The following BMPER variants were observed in gnomAD, a reference collection of about 807,000 sequenced individuals.
BMPER encodes BMP binding endothelial regulator, also known as BMP-binding endothelial regulator protein.
A neutral mutation model predicts 87.3 loss-of-function variants in BMPER; 45 were observed. That is an observed-to-expected ratio of 0.52 (90% CI 0.41 to 0.66). The LOEUF is 0.66. Ranked by LOEUF, BMPER falls within the 30% of genes least tolerant of loss-of-function variation. BMPER has a pLI of 0.00. For missense variants in BMPER, 784 were observed against 867.5 expected (o/e 0.90, Z 1.21); for synonymous variants, 326 against 316.2 (o/e 1.03, Z -0.33).
chr7:34,062,107 A>C (rs1434792835), intron 11 of BMPER, 60 bp downstream of exon 11: 5 of 1,475,574 alleles, frequency 3.4e-6, no homozygotes, highest in Non-Finnish European at 4.7e-6. Context: ...ATAGTGCAAC[A>C]AGAAAAATAG....
intron 2 of BMPER, among the ~76,000 whole-genome samples, chr7:33,930,347 T>C (rs1156276939): frequency 2.0e-5 from 3 of 152,214 alleles, no homozygotes; most frequent in Non-Finnish European, 4.4e-5. Context: ...TCAATTTTAC[T>C]ATCAGTAATG....
At chr7:34,111,349 C>G (rs1323403785) in intron 13 of BMPER, among the ~76,000 whole-genome samples, 1 of 152,124 alleles carries the variant, frequency 6.6e-6, no homozygotes, top group Non-Finnish European at 1.5e-5. Flanking sequence ...TAATTGGTTC[C>G]CCAGTTACCT....
intron 2 of BMPER, among the ~76,000 whole-genome samples, chr7:33,925,099 G>T (rs1784329697): frequency 6.6e-6 from 1 of 152,138 alleles, no homozygotes; most frequent in African/African-American, 2.4e-5. Flanking sequence ...AGTCGTCCCT[G>T]CTAGAACGTC....
intron 11 of BMPER, 102 bp downstream of exon 11, chr7:34,062,149 T>C: frequency 9.4e-7 from 1 of 1,059,464 alleles, no homozygotes; most frequent in Non-Finnish European, 1.4e-6. Flanking sequence ...TTTATTTTTG[T>C]AGGTATATAT....
chr7:34,109,875 T>A (rs370083003), intron 13 of BMPER, among the ~76,000 whole-genome samples: 4 of 152,358 alleles, frequency 2.6e-5, no homozygotes, highest in African/African-American at 9.6e-5. Flanking sequence ...TCTATTCCAC[T>A]TGCTCTAGCT....
intron 8 of BMPER, among the ~76,000 whole-genome samples, chr7:34,053,171 C>T (rs775997651): frequency 1.1e-4 from 16 of 152,266 alleles, no homozygotes; most frequent in African/African-American, 2.6e-4. Context: ...TTAGGTAATA[C>T]GTCTCTGTGC....
At chr7:34,006,029 A>T (rs1373054776) in intron 6 of BMPER, among the ~76,000 whole-genome samples, 1 of 152,004 alleles carries the variant, frequency 6.6e-6, no homozygotes, top group Non-Finnish European at 1.5e-5. Context: ...CATTGTAGCC[A>T]TTATTTGTAA....
At chr7:33,977,211 G>C (rs1004553628) in intron 6 of BMPER, among the ~76,000 whole-genome samples, 5 of 151,976 alleles carry the variant, frequency 3.3e-5, no homozygotes, top group African/African-American at 1.2e-4. Context: ...CTTTTTTGTA[G>C]CTTGTTGGTA....
chr7:33,982,390 G>T (rs933375019), intron 6 of BMPER, among the ~76,000 whole-genome samples: 2 of 152,038 alleles, frequency 1.3e-5, no homozygotes, highest in East Asian at 1.9e-4. Flanking sequence ...ACTAGTGTGG[G>T]CCAAAAAGCC....
chr7:34,101,184 T>G (rs573799554), intron 13 of BMPER, among the ~76,000 whole-genome samples: 1 of 152,352 alleles, frequency 6.6e-6, no homozygotes, highest in African/African-American at 2.4e-5. Context: ...ACATTGACAC[T>G]TTTAATTATC....
intron 3 of BMPER, among the ~76,000 whole-genome samples, chr7:33,941,047 T>A (rs10246588): frequency 0.026 from 3,491 of 134,628 alleles, 166 homozygotes; most frequent in African/African-American, 0.093. Context: ...TTATATATAA[T>A]TTATATGTAA....
At chr7:34,130,365 C>T (rs1790552157) in intron 13 of BMPER, among the ~76,000 whole-genome samples, 2 of 152,272 alleles carry the variant, frequency 1.3e-5, no homozygotes, top group Non-Finnish European at 2.9e-5. Context: ...AAAAGTATTC[C>T]TGCTAAGACC....
chr7:33,997,305 T>C (rs905224779), intron 6 of BMPER, among the ~76,000 whole-genome samples: 2 of 152,182 alleles, frequency 1.3e-5, no homozygotes, highest in Admixed American at 1.3e-4. Context: ...TCTGATATGG[T>C]TTAGCTCTGT....
At chr7:34,124,603 T>G (rs1272556497) in intron 13 of BMPER, among the ~76,000 whole-genome samples, 1 of 152,200 alleles carries the variant, frequency 6.6e-6, no homozygotes, top group Non-Finnish European at 1.5e-5. Flanking sequence ...TCATGTCATT[T>G]GCAAGCAAGT....
chr7:33,917,468 A>G (rs781128439), intron 2 of BMPER, among the ~76,000 whole-genome samples: 13 of 152,078 alleles, frequency 8.5e-5, no homozygotes, highest in Non-Finnish European at 1.5e-4. Flanking sequence ...GAGAAGTTCA[A>G]AGATTTGTAA....
chr7:34,137,564 T>G (rs990313972), intron 13 of BMPER, among the ~76,000 whole-genome samples: 1 of 152,224 alleles, frequency 6.6e-6, no homozygotes, highest in Non-Finnish European at 1.5e-5. Context: ...TTTCAAAGGA[T>G]CTGTGCAATA....
intron 5 of BMPER, among the ~76,000 whole-genome samples, chr7:33,973,743 G>T (rs776423649): frequency 6.6e-6 from 1 of 152,180 alleles, no homozygotes; most frequent in Non-Finnish European, 1.5e-5. Context: ...TCCCAGCACC[G>T]TCTTCCATGG....
At chr7:34,051,820 C>T (rs764369869) in intron 7 of BMPER, 41 bp from the exon 8 acceptor site, 27 of 1,521,448 alleles carry the variant, frequency 1.8e-5, no homozygotes, top group South Asian at 2.2e-5. Flanking sequence ...GGGACATCCC[C>T]GATTCTGTCT....
intron 6 of BMPER, among the ~76,000 whole-genome samples, chr7:34,012,619 G>GT (rs1786912905): frequency 2.6e-5 from 4 of 151,686 alleles, no homozygotes; most frequent in African/African-American, 9.7e-5. Context: ...AGATGGAGAG[G>GT]TATACACCAT....
Sources: allele counts gnomAD v4.1 joint callset (sites outside exome capture counted in the v4.1 genomes callset), GRCh38; gene constraint gnomAD v4.1.1; transcripts MANE v1.5; gene names NCBI Gene and HGNC (gene_info 2026-07-23, HGNC 2026-07-21).